TM4SF4: variants seen among roughly 807,000 people sequenced by gnomAD.
TM4SF4 encodes the protein transmembrane 4 L six family member 4.
Under a neutral mutation model 24.1 loss-of-function variants are expected in TM4SF4, and 24 were observed. That is an observed-to-expected ratio of 1.00 (90% CI 0.72 to 1.40). The LOEUF (loss-of-function observed/expected upper bound fraction) is 1.40. TM4SF4 is among the 40% of genes most tolerant of loss of function. TM4SF4 has a pLI of 0.00. For synonymous variants in TM4SF4, 113 were observed against 97.0 expected (o/e 1.17, Z -0.97); for missense variants, 254 against 254.2 (o/e 1.00, Z 0.01).
At chr3:149,485,147 G>A (rs1219365407) in intron 2 of TM4SF4, among the ~76,000 whole-genome samples, 1 of 152,166 alleles carries the variant, frequency 6.6e-6, no homozygotes, top group Non-Finnish European at 1.5e-5. Flanking sequence ...ATGTGAGAGT[G>A]AATGATTTTC....
intron 3 of TM4SF4, among the ~76,000 whole-genome samples, chr3:149,494,063 A>G (rs1354459868): frequency 6.6e-6 from 1 of 152,222 alleles, no homozygotes; most frequent in African/African-American, 2.4e-5. Context: ...AAGTGCATCT[A>G]AACTGCTTCT....
chr3:149,478,700 G>T (rs2107866367), intron 2 of TM4SF4, among the ~76,000 whole-genome samples: 1 of 152,314 alleles, frequency 6.6e-6, no homozygotes, highest in East Asian at 1.9e-4. Context: ...CCCTGGGCCA[G>T]GGTCGACCAC....
At chr3:149,497,098 T>C (rs955541734) in intron 3 of TM4SF4, among the ~76,000 whole-genome samples, 3 of 152,214 alleles carry the variant, frequency 2.0e-5, no homozygotes, top group Non-Finnish European at 4.4e-5. Flanking sequence ...ATGCTTGGGT[T>C]CAAACCCGGG....
intron 3 of TM4SF4, among the ~76,000 whole-genome samples, chr3:149,492,441 G>T (rs568166934): frequency 6.6e-5 from 10 of 152,202 alleles, no homozygotes; most frequent in African/African-American, 2.2e-4. Context: ...ATACCCTCTT[G>T]GTTTCCTTTG....
intron 3 of TM4SF4, among the ~76,000 whole-genome samples, chr3:149,488,016 T>G (rs1468661756): frequency 6.6e-6 from 1 of 152,194 alleles, no homozygotes; most frequent in African/African-American, 2.4e-5. Context: ...GGAAGAGATT[T>G]GTTGTGTCAT....
intron 3 of TM4SF4, among the ~76,000 whole-genome samples, chr3:149,494,291 C>T (rs1576521794): frequency 6.6e-6 from 1 of 152,140 alleles, no homozygotes; most frequent in Non-Finnish European, 1.5e-5. Context: ...AGGAGTGGAA[C>T]TCATGATTTC....
intron 4 of TM4SF4, among the ~76,000 whole-genome samples, chr3:149,500,894 A>G (rs1734407273): frequency 6.6e-6 from 1 of 151,920 alleles, no homozygotes; most frequent in Non-Finnish European, 1.5e-5. Context: ...ATGTGGTGGC[A>G]TGCACCTGTA....
intron 4 of TM4SF4, among the ~76,000 whole-genome samples, chr3:149,501,716 C>T (rs62269288): frequency 0.019 from 2,873 of 152,294 alleles, 52 homozygotes; most frequent in South Asian, 0.042. Context: ...CTGAGTGACT[C>T]CAGCAAGCTG....
Position 149,475,888 on chromosome 3 carries a change from C to A in TM4SF4, c.240C>A (p.Asn80Lys). ...KNNDCCGCCG[N>K]EGCGKRFAMF... ...ATGACTGCTGTGGGTGCTGCGGCAA[C>A]GAGGGCTGTGGGAAGCGATTTGCGG... Residue 80 changes from asparagine to lysine, a missense_variant, in exon 2 of 5, where the codon AAC (asparagine) becomes AAA (lysine). Coordinates refer to ENST00000305354, the MANE Select transcript of TM4SF4 (RefSeq NM_004617.4). The A allele has an allele frequency of 1.9e-6, 3 of 1,612,956 alleles. No individual in the cohort carries two copies. The highest frequency in any genetic ancestry group is 2.5e-6 in the Non-Finnish European group (3 of 1,179,546).
intron 3 of TM4SF4, among the ~76,000 whole-genome samples, 192 bp downstream of exon 3, chr3:149,487,947 T>C (rs1478777888): frequency 6.6e-6 from 1 of 152,220 alleles, no homozygotes; most frequent in African/African-American, 2.4e-5. Context: ...ATTGCTCCTT[T>C]GACAGACCCC....
intron 3 of TM4SF4, among the ~76,000 whole-genome samples, chr3:149,493,120 C>T (rs1471165327): frequency 6.6e-6 from 1 of 152,008 alleles, no homozygotes; most frequent in African/African-American, 2.4e-5. Context: ...CTTGATTCAG[C>T]CTTATTATTC....
At chr3:149,478,857 GGGTAC>G (rs1733980031) in intron 2 of TM4SF4, among the ~76,000 whole-genome samples, 1 of 152,146 alleles carries the variant, frequency 6.6e-6, no homozygotes, top group Non-Finnish European at 1.5e-5. Context: ...TCCACCTCTT[GGGTAC>G]AAGCAATTCT....
rs561341830 is a variant in TM4SF4 at position 149,482,405 on chromosome 3, A to G, written c.265-5214A>G. Reference sequence around the variant, plus strand: ...CCTTATCTGATTCCAAAGTCTGCCAACTTCCCTCCTCAGAGGTCCCCACTA... The same window carrying G: ...CCTTATCTGATTCCAAAGTCTGCCAGCTTCCCTCCTCAGAGGTCCCCACTA... On this transcript the variant is annotated intron_variant, in intron 2 of 4. Coordinates refer to ENST00000305354, the MANE Select transcript of TM4SF4 (RefSeq NM_004617.4). Among the ~76,000 whole-genome samples the G allele has an allele frequency of 6.8e-4, 103 of 152,332 alleles. No individual in the cohort carries two copies. In the South Asian group the frequency reaches 0.021, roughly 31 times the overall value.
chr3:149,474,827 A>G lies in TM4SF4; in HGVS notation c.-51A>G, dbSNP rs1363922814. 3.2e-6 allele frequency: 5 copies of G among 1,545,056 alleles called. No homozygotes were observed. The highest frequency in any genetic ancestry group is 4.4e-6 in the Non-Finnish European group (5 of 1,148,404). ...AAAAACCCTTGAAGAGGCCCCGTGAAGGAGGCAGTGAGGAGCTTTTGATTG... is the reference window on the plus strand; with the variant it reads ...AAAAACCCTTGAAGAGGCCCCGTGAGGGAGGCAGTGAGGAGCTTTTGATTG... On this transcript the variant is annotated 5_prime_UTR_variant, in exon 1 of 5. Coordinates refer to ENST00000305354, the MANE Select transcript of TM4SF4 (RefSeq NM_004617.4).
At chr3:149,475,699 A>C in intron 1 of TM4SF4, 124 bp from the exon 2 acceptor site, 1 of 752,740 alleles carries the variant, frequency 1.3e-6, no homozygotes, top group Non-Finnish European at 2.3e-6. Context: ...ATGCTCTGTT[A>C]CTTTGCCATT....
chr3:149,500,974 A>T (rs1431679946), intron 4 of TM4SF4, among the ~76,000 whole-genome samples: 1 of 149,500 alleles, frequency 6.7e-6, no homozygotes, highest in Non-Finnish European at 1.5e-5. Context: ...GCATGAGCTG[A>T]GATCTTGCCC....
chr3:149,494,978 G>A (rs66711088), intron 3 of TM4SF4: 17,318 of 199,670 alleles, frequency 0.087, 1,501 homozygotes, highest in East Asian at 0.41. Context: ...GTCTGACTGT[G>A]CTATCCTGAT....
In TM4SF4 at chr3:149,498,868, T is replaced by TGG. The variant is rs765449494; in HGVS notation, c.551_552dup (p.Thr185GlyfsTer24). The TGG allele has an allele frequency of 1.9e-6, 3 of 1,613,840 alleles. No individual in the cohort carries two copies. In the East Asian group the frequency reaches 6.7e-5, roughly 36 times the overall value. On this transcript the variant is annotated frameshift_variant, in exon 4 of 5. Transcript: ENST00000305354. LOFTEE classifies it high-confidence loss of function. ...GCCATCCAGGTGGTCAATGGCCTCC[T>TGG]GGGGACCCTCTGTGGGGACTGCCAG...
intron 3 of TM4SF4, chr3:149,495,020 G>A (rs1576522031): frequency 4.7e-6 from 1 of 212,008 alleles, no homozygotes; most frequent in Non-Finnish European, 9.9e-6. Flanking sequence ...ATCTGAAGCC[G>A]ATATCTCCAT....
Sources: allele counts gnomAD v4.1 joint callset (sites outside exome capture counted in the v4.1 genomes callset), GRCh38; gene constraint gnomAD v4.1.1; transcripts MANE v1.5; gene names NCBI Gene and HGNC (gene_info 2026-07-23, HGNC 2026-07-21).